PPP1R12A: variants seen among roughly 807,000 people sequenced by gnomAD.
PPP1R12A encodes the protein myosin binding subunit.
Under a neutral mutation model 139.6 loss-of-function variants are expected in PPP1R12A, and 19 were observed. The ratio of observed to expected loss-of-function variants is 0.14; its 90% CI spans 0.09 to 0.20. The LOEUF (loss-of-function observed/expected upper bound fraction) is 0.20, where lower values mean the gene tolerates loss of function less well. PPP1R12A is among the 10% of genes least tolerant of loss of function. The pLI, the probability that PPP1R12A is intolerant of heterozygous loss-of-function variation, is 1.00. For missense variants in PPP1R12A, 925 were observed against 1,211.5 expected (o/e 0.76, Z 3.51); for synonymous variants, 427 against 420.6 (o/e 1.02, Z -0.19).
At chr12:79,806,418 C>T (rs773926694) in intron 12 of PPP1R12A, 85 bp from the exon 13 acceptor site, 162 of 1,294,560 alleles carry the variant, frequency 1.3e-4, no homozygotes, top group Non-Finnish European at 1.3e-4. Context: ...AATTACAAGG[C>T]TAGAAAAAAA....
At chr12:79,817,338 C>T (rs1875535252) in intron 9 of PPP1R12A, 56 bp downstream of exon 9, 1 of 1,521,462 alleles carries the variant, frequency 6.6e-7, no homozygotes, top group Non-Finnish European at 9.0e-7. Flanking sequence ...ATGAGTTAGT[C>T]CAAGTGGTAC....
rs1888562333 is a variant in PPP1R12A, at chr12:79,935,029, A to T, written c.-98T>A. On this transcript the variant is annotated 5_prime_UTR_variant, in exon 1 of 25. Coordinates refer to ENST00000450142, the MANE Select transcript of PPP1R12A (RefSeq NM_002480.3). ...CAGGGGGTGTGTGAATGTTTCTATG[A>T]GTGCGGGCCAGAGGAGGGCTGGGAA... The T allele has an allele frequency of 2.1e-6, 3 of 1,451,414 alleles. No individual in the cohort carries two copies. The highest frequency in any genetic ancestry group is 2.7e-6 in the Non-Finnish European group (3 of 1,100,812). The allele number at this position is 1,451,414 out of a possible 1,614,324, so 89.9% of individuals were successfully genotyped here.
At chr12:79,863,644 CAAAAAAAAAAAAAAAAA>C (rs61530316) in intron 2 of PPP1R12A, among the ~76,000 whole-genome samples, 841 of 55,376 alleles carry the variant, frequency 0.015, 24 homozygotes, top group African/African-American at 0.053. Context: ...AAATTGAAAG[CAAAAAAAAAAAAAAAAA>C]AAAAAAAAAA....
intron 4 of PPP1R12A, 40 bp downstream of exon 4, chr12:79,832,292 C>G: frequency 6.5e-7 from 1 of 1,529,562 alleles, no homozygotes; most frequent in Non-Finnish European, 8.8e-7. Flanking sequence ...ATAAAGAAGA[C>G]AAACTAAAAT....
intron 1 of PPP1R12A, among the ~76,000 whole-genome samples, chr12:79,880,349 C>T (rs1320517954): frequency 2.0e-5 from 3 of 152,126 alleles, no homozygotes; most frequent in East Asian, 1.9e-4. Flanking sequence ...AAGAACCTCA[C>T]TGAGCACAGA....
Position 79,817,487 on chromosome 12 carries a change from ATTAGTTACAGAAGCCAGGGGTTTTGTC to A in PPP1R12A, c.1119_1145del (p.Lys373_Thr381del), listed in dbSNP as rs1469048566. ...CTGCTTGTGTACTAGAAGTGTTGGC[ATTAGTTACAGAAGCCAGGGGTTTTGTC>A]TTATCTATTAAAGACAAACAATTAA... On this transcript the variant is annotated inframe_deletion, in exon 9 of 25. Transcript: ENST00000450142. 6.2e-7 allele frequency: 1 copy of A among 1,601,390 alleles called. No homozygotes were observed. The highest frequency in any genetic ancestry group is 1.7e-5 in the Admixed American group (1 of 58,110).
chr12:79,896,817 T>C (rs1445744804), intron 1 of PPP1R12A, among the ~76,000 whole-genome samples: 1 of 152,188 alleles, frequency 6.6e-6, no homozygotes, highest in Admixed American at 6.5e-5. Context: ...TAAATGCAAT[T>C]GTATGCAACT....
At chr12:79,927,117 C>A (rs543632878) in intron 1 of PPP1R12A, among the ~76,000 whole-genome samples, 1 of 152,110 alleles carries the variant, frequency 6.6e-6, no homozygotes, top group South Asian at 2.1e-4. Context: ...CACTTGAGCC[C>A]AGGAAGGCTA....
At chr12:79,909,475 G>A (rs1012897531) in intron 1 of PPP1R12A, among the ~76,000 whole-genome samples, 8 of 152,156 alleles carry the variant, frequency 5.3e-5, no homozygotes, top group Middle Eastern at 3.4e-3. Context: ...GGTGGCTCAC[G>A]TCTGTAATCC....
chr12:79,863,786 T>G (rs1881643350), intron 2 of PPP1R12A, among the ~76,000 whole-genome samples: 1 of 151,794 alleles, frequency 6.6e-6, no homozygotes, highest in Non-Finnish European at 1.5e-5. Context: ...CAAGAAGAGC[T>G]AACTATCTTA....
At position 79,775,657 on chromosome 12, in the gene PPP1R12A, CTCAG is replaced by C. The variant is rs1417596958; in HGVS notation, c.*268_*271del. On this transcript the variant is annotated 3_prime_UTR_variant, in exon 25 of 25. Coordinates refer to ENST00000450142, the MANE Select transcript of PPP1R12A (RefSeq NM_002480.3). ...TATGCTGGAGCTGTAAACAAGTTTT[CTCAG>C]TCATTAAAAAAAAATCTTCTCAGCA... The C allele has an allele frequency of 1.2e-4, 29 of 243,364 alleles. No individual in the cohort carries two copies. The highest frequency in any genetic ancestry group is 6.1e-4 in the South Asian group (6 of 9,892). The allele number at this position is 243,364 out of a possible 1,614,324, so 15.1% of individuals were successfully genotyped here. A position where few individuals can be genotyped will look rare whatever the true frequency, so the allele number is the denominator to read the frequency against.
chr12:79,788,531 T>C, intron 21 of PPP1R12A, 117 bp downstream of exon 21: 1 of 1,046,294 alleles, frequency 9.6e-7, no homozygotes, highest in African/African-American at 1.6e-5. Flanking sequence ...TGCCGAAAAC[T>C]GAAAATAAGT....
rs534840403 is a variant in PPP1R12A, at chr12:79,878,044, GT to G, written c.238-5107del. ...GAAATGCCCACAATATATTAAGAAG[GT>G]TTTTTTTTTGTTTGTTTTGTTTTTT... is the stretch of plus-strand genomic sequence containing the variant. On this transcript the variant is annotated intron_variant, in intron 1 of 24. Coordinates refer to ENST00000450142, the MANE Select transcript of PPP1R12A (RefSeq NM_002480.3). 6.8e-5 allele frequency among the ~76,000 whole-genome samples: 10 copies of G among 147,780 alleles called. No homozygotes were observed. In the East Asian group the frequency reaches 7.8e-4, roughly 12 times the overall value.
intron 4 of PPP1R12A, among the ~76,000 whole-genome samples, chr12:79,829,228 C>T (rs1877131666): frequency 6.6e-6 from 1 of 152,094 alleles, no homozygotes; most frequent in South Asian, 2.1e-4. Context: ...ATAAACTGCA[C>T]ATAGCATAGC....
intron 1 of PPP1R12A, among the ~76,000 whole-genome samples, chr12:79,896,302 G>A (rs1885126002): frequency 6.6e-6 from 1 of 151,996 alleles, no homozygotes; most frequent in Non-Finnish European, 1.5e-5. Flanking sequence ...CTTTATATAT[G>A]TTTCAGTGCA....
chr12:79,798,428 A>T (rs1872723494), intron 15 of PPP1R12A, 66 bp downstream of exon 15: 5 of 1,008,322 alleles, frequency 5.0e-6, no homozygotes, highest in Non-Finnish European at 7.1e-6. Context: ...GTTTTATGTC[A>T]GTGTGTGTAT....
At position 79,775,834 on chromosome 12, in the gene PPP1R12A, C is replaced by T. The variant is rs1869650980; in HGVS notation, c.*95G>A. On this transcript the variant is annotated 3_prime_UTR_variant, in exon 25 of 25. Transcript: ENST00000450142. ...TGGCAGGATATCCGAAAATGACAGT[C>T]TCCAAGGATTCTTCCCAGACTTCCA... 2 of 785,116 alleles carry T rather than the reference C, an allele frequency of 2.5e-6. No individual in the cohort carries two copies. Among genetic ancestry groups the T allele is most frequent in the Admixed American group, 3.1e-5 (1 of 31,970 alleles). 48.6% of individuals were successfully genotyped at this position (785,116 alleles called of 1,614,324 possible). A position where few individuals can be genotyped will look rare whatever the true frequency, so the allele number is the denominator to read the frequency against.
intron 1 of PPP1R12A, among the ~76,000 whole-genome samples, chr12:79,888,460 G>C (rs1884305017): frequency 6.6e-6 from 1 of 152,130 alleles, no homozygotes; most frequent in South Asian, 2.1e-4. Context: ...AACCCAGAGG[G>C]CATGAGTATT....
At chr12:79,841,961 C>T (rs938963924) in intron 3 of PPP1R12A, among the ~76,000 whole-genome samples, 1 of 151,920 alleles carries the variant, frequency 6.6e-6, no homozygotes, top group African/African-American at 2.4e-5. Flanking sequence ...TTTTATAACA[C>T]CTCAATTCTA....
Sources: gnomAD v4.1 joint callset for allele counts (sites outside exome capture counted in the v4.1 genomes callset) on GRCh38, gnomAD v4.1.1 for gene constraint, MANE v1.5 for transcripts, NCBI Gene and HGNC (gene_info 2026-07-23, HGNC 2026-07-21) for gene names.